Variants in SLC14A2 observed in about 807,000 individuals in gnomAD.
SLC14A2 encodes urea transporter 2.
In SLC14A2, 91 loss-of-function variants were observed where a neutral mutation model predicts 104.6. The observed-to-expected ratio is 0.87, with a 90% CI of 0.73 to 1.04. The LOEUF is 1.04. Ranked by LOEUF, SLC14A2 falls within the 50% of genes least tolerant of loss-of-function variation. SLC14A2 has a pLI of 0.00. For missense variants in SLC14A2, 1,189 were observed against 1,156.0 expected, an observed-to-expected ratio of 1.03 and a Z score of -0.41; for synonymous variants, 476 against 466.4, an observed-to-expected ratio of 1.02 and a Z score of -0.27.
chr18:45,340,308 A>G (rs1238840863), intron 1 of SLC14A2, among the ~76,000 whole-genome samples: 1 of 152,208 alleles, frequency 6.6e-6, no homozygotes, highest in Non-Finnish European at 1.5e-5. Flanking sequence ...AGATTTAGAA[A>G]TGACTGTGTG....
chr18:45,626,907 C>T (rs1245192611), intron 3 of SLC14A2, 51 bp from the exon 4 acceptor site: 1 of 1,508,816 alleles, frequency 6.6e-7, no homozygotes, highest in East Asian at 2.3e-5. Flanking sequence ...AGCAGTTCAG[C>T]AGAGCAGCCC....
At chr18:45,638,249 G>A (rs1423834953) in intron 6 of SLC14A2, among the ~76,000 whole-genome samples, 1 of 152,138 alleles carries the variant, frequency 6.6e-6, no homozygotes, top group Non-Finnish European at 1.5e-5. Flanking sequence ...AAATAAATAT[G>A]ATTGAGTACC....
At chr18:45,511,150 A>T (rs1264009348) in intron 2 of SLC14A2, among the ~76,000 whole-genome samples, 3 of 151,834 alleles carry the variant, frequency 2.0e-5, no homozygotes, top group Non-Finnish European at 4.4e-5. Flanking sequence ...TGGCCCAGAC[A>T]TCTTTGCACT....
intron 2 of SLC14A2, among the ~76,000 whole-genome samples, chr18:45,557,681 G>A (rs1375956850): frequency 1.3e-5 from 2 of 152,282 alleles, no homozygotes; most frequent in Non-Finnish European, 2.9e-5. Flanking sequence ...TGGGCCTGGA[G>A]TTTGTGAGTT....
chr18:45,641,034 T>C (rs945191885), intron 7 of SLC14A2, among the ~76,000 whole-genome samples, 175 bp from the exon 8 acceptor site: 37 of 152,168 alleles, frequency 2.4e-4, no homozygotes, highest in African/African-American at 8.9e-4. Flanking sequence ...TGTTCTCTTT[T>C]CATTGAAGGT....
intron 1 of SLC14A2, among the ~76,000 whole-genome samples, chr18:45,308,161 T>C (rs2085042826): frequency 6.6e-6 from 1 of 152,092 alleles, no homozygotes; most frequent in African/African-American, 2.4e-5. Flanking sequence ...GTCCCACCTC[T>C]AACACTGGGG....
chr18:45,254,796 G>A (rs1457657083), intron 1 of SLC14A2, among the ~76,000 whole-genome samples: 3 of 152,228 alleles, frequency 2.0e-5, no homozygotes, highest in Non-Finnish European at 4.4e-5. Flanking sequence ...CCTGGAGGGG[G>A]CCACGTTCTT....
intron 2 of SLC14A2, among the ~76,000 whole-genome samples, chr18:45,531,262 G>A (rs1182999768): frequency 6.6e-6 from 1 of 152,130 alleles, no homozygotes; most frequent in Non-Finnish European, 1.5e-5. Context: ...CTAGATCCCT[G>A]AGGAATCGCC....
At chr18:45,664,051 G>T in intron 11 of SLC14A2, 144 bp downstream of exon 11, 4 of 819,898 alleles carry the variant, frequency 4.9e-6, no homozygotes, top group Non-Finnish European at 7.3e-6. Flanking sequence ...GTCTGACCAA[G>T]GCCACAGTTC....
At chr18:45,234,403 A>G (rs913973332) in intron 1 of SLC14A2, among the ~76,000 whole-genome samples, 1 of 152,232 alleles carries the variant, frequency 6.6e-6, no homozygotes, top group African/African-American at 2.4e-5. Context: ...CTTTACTTAC[A>G]CAAGCATTCT....
intron 1 of SLC14A2, among the ~76,000 whole-genome samples, chr18:45,235,808 T>TGTGTGTATATATATATATATATAC (rs2084219678): frequency 2.5e-5 from 3 of 121,886 alleles, no homozygotes; most frequent in African/African-American, 3.5e-5. Flanking sequence ...TGTGTGTGTG[T>TGTGTGTATATATATATATATATAC]GTGTGTATAT....
chr18:45,627,233 C>A (rs2045273997), intron 4 of SLC14A2, 86 bp downstream of exon 4: 1 of 1,269,338 alleles, frequency 7.9e-7, no homozygotes, highest in Non-Finnish European at 1.1e-6. Flanking sequence ...TCAACCTTAC[C>A]CTCCCAGCCA....
At chr18:45,184,075 G>A in the SLC14A2 span, among the ~76,000 whole-genome samples, 11 of 151,680 alleles carry the variant, frequency 7.3e-5, no homozygotes, top group Middle Eastern at 3.2e-3. Flanking sequence ...TTCTGACTGT[G>A]GAACTATTCA....
chr18:45,370,890 G>A (rs1380180166), intron 1 of SLC14A2, among the ~76,000 whole-genome samples: 1 of 152,156 alleles, frequency 6.6e-6, no homozygotes, highest in African/African-American at 2.4e-5. Flanking sequence ...TCAATTATGT[G>A]GGAAAAGTCT....
Position 45,440,084 on chromosome 18 carries a change from A to C in SLC14A2, c.-124-43149A>C, listed in dbSNP as rs532790623. Among the ~76,000 whole-genome samples the C allele has an allele frequency of 9.1e-4, 139 of 152,320 alleles. 1 individual carries two copies. Among genetic ancestry groups the C allele is most frequent in the African/African-American group, 3.1e-3 (130 of 41,570 alleles). ...CCGGAAGCTAAAAAGAGGCCTGTGTAGGTTGATCAAATCATGATCTAATGA... is the reference window on the plus strand; with the variant it reads ...CCGGAAGCTAAAAAGAGGCCTGTGTCGGTTGATCAAATCATGATCTAATGA... On this transcript the variant is annotated intron_variant, in intron 1 of 20. Coordinates refer to the SLC14A2 transcript ENST00000586448.
chr18:45,500,302 G>C (rs1346815016), intron 2 of SLC14A2, among the ~76,000 whole-genome samples: 1 of 151,940 alleles, frequency 6.6e-6, no homozygotes, highest in Non-Finnish European at 1.5e-5. Flanking sequence ...CTTAGGCCGG[G>C]CGCGGTGGCT....
Position 45,666,994 on chromosome 18 carries a change from A to T in SLC14A2, c.1617A>T (p.Thr539=), listed in dbSNP as rs750096316. 6.2e-7 allele frequency: 1 copy of T among 1,614,072 alleles called. No homozygotes were observed. Among genetic ancestry groups the T allele is most frequent in the Non-Finnish European group, 8.5e-7 (1 of 1,179,916 alleles). The part of the protein sequence containing the change: ...EIKVETNISK[T]SWIRSSMAAS... ...AAGTGGAAACAAACATTTCCAAGAC[A>T]TCCTGGATTCGGAGTTCCATGGCTG... The change falls in exon 13 of 20, where the codon ACA becomes ACT. Residue 539 remains threonine (T), a synonymous_variant. Transcript: ENST00000255226.
chr18:45,330,027 A>G (rs2144258020), intron 1 of SLC14A2, among the ~76,000 whole-genome samples: 1 of 152,344 alleles, frequency 6.6e-6, no homozygotes, highest in South Asian at 2.1e-4. Flanking sequence ...CCATTCAGCA[A>G]AGAGAAAATA....
At chr18:45,415,096 G>A (rs1468620391) in intron 1 of SLC14A2, among the ~76,000 whole-genome samples, 1 of 152,132 alleles carries the variant, frequency 6.6e-6, no homozygotes, top group East Asian at 1.9e-4. Flanking sequence ...TATAAATTGT[G>A]TATATACTTG....
Sources: allele counts gnomAD v4.1 joint callset (sites outside exome capture counted in the v4.1 genomes callset), GRCh38; gene constraint gnomAD v4.1.1; transcripts MANE v1.5; gene names NCBI Gene and HGNC (gene_info 2026-07-23, HGNC 2026-07-21).